The following SFXN5 variants were observed in gnomAD, a reference collection of about 807,000 sequenced individuals.
SFXN5 encodes sideroflexin 5.
A neutral mutation model predicts 50.2 loss-of-function variants in SFXN5; 43 were observed. The observed-to-expected ratio is 0.86, with a 90% CI of 0.67 to 1.11. SFXN5 has a LOEUF of 1.11. Ranked by LOEUF, SFXN5 falls within the 50% of genes least tolerant of loss-of-function variation. The probability of loss-of-function intolerance (pLI) is 0.00; values close to 1 mark genes in which losing one functional copy is unlikely to be tolerated. For synonymous variants in SFXN5, 203 were observed against 185.8 expected (o/e 1.09, Z -0.75); for missense variants, 463 against 454.1 (o/e 1.02, Z -0.18).
Position 72,960,383 on chromosome 2 carries a change from G to A in SFXN5, c.945+748C>T, listed in dbSNP as rs978473103. On this transcript the variant is annotated intron_variant, in intron 13 of 13. Coordinates refer to ENST00000272433, the MANE Select transcript of SFXN5 (RefSeq NM_144579.3). The surrounding 1 kb of genome is among the most constrained non-coding windows in gnomAD (Gnocchi z 6.1). Reference sequence around the variant, plus strand: ...CTCCCACCACATACAGCTCTTCATCGAATCCCGAAGAAGCCGCCTCCTGAC... The same window carrying A: ...CTCCCACCACATACAGCTCTTCATCAAATCCCGAAGAAGCCGCCTCCTGAC... 3.4e-4 allele frequency among the ~76,000 whole-genome samples: 51 copies of A among 151,918 alleles called. No individual in the cohort carries two copies. Among genetic ancestry groups the A allele is most frequent in the Admixed American group, 3.1e-3 (47 of 15,282 alleles).
chr2:72,980,809 T>C (rs1441057216), intron 10 of SFXN5, among the ~76,000 whole-genome samples: 3 of 152,128 alleles, frequency 2.0e-5, no homozygotes, highest in Non-Finnish European at 4.4e-5. Context: ...TGCCCTCCTC[T>C]GTTCCCCAGC....
intron 2 of SFXN5, among the ~76,000 whole-genome samples, chr2:73,052,590 TA>T (rs2105994344): frequency 6.6e-6 from 1 of 152,350 alleles, no homozygotes; most frequent in East Asian, 1.9e-4. Context: ...GAATTGTTAT[TA>T]ATACTATTTC....
chr2:72,970,413 G>A (rs1469269056), intron 11 of SFXN5, among the ~76,000 whole-genome samples: 2 of 152,196 alleles, frequency 1.3e-5, no homozygotes, highest in African/African-American at 4.8e-5. Context: ...AAAAACCTTG[G>A]AGGGGCACTG....
chr2:72,987,623 C>T (rs745487535), intron 10 of SFXN5, among the ~76,000 whole-genome samples: 9 of 151,836 alleles, frequency 5.9e-5, no homozygotes, highest in South Asian at 2.1e-4. Flanking sequence ...GGCATGGTGG[C>T]GCATGCCTGT....
At chr2:72,993,136 G>A (rs778085391) in intron 9 of SFXN5, among the ~76,000 whole-genome samples, 9 of 152,184 alleles carry the variant, frequency 5.9e-5, no homozygotes, top group Non-Finnish European at 8.8e-5. Context: ...TAAGGGGCAC[G>A]CCTAAAAGGA....
At position 72,942,500 on chromosome 2, in the gene SFXN5, C is replaced by A. The variant is rs887545135; in HGVS notation, c.*2522G>T. 3 of 152,410 alleles carry A rather than the reference C, an allele frequency of 2.0e-5. No homozygotes were observed. The highest frequency in any genetic ancestry group is 1.9e-4 in the East Asian group (1 of 5,200). 9.4% of individuals were successfully genotyped at this position (152,410 alleles called of 1,614,324 possible). ...GTTCTCGCACAGCTGGCCAGCCCCG[C>A]CCTGACTGTGTCCAGGCTTAGCCTC... is the stretch of plus-strand genomic sequence containing the variant. On this transcript the variant is annotated 3_prime_UTR_variant, in exon 14 of 14. Coordinates refer to ENST00000272433, the MANE Select transcript of SFXN5 (RefSeq NM_144579.3).
chr2:72,955,432 C>T (rs781102812), intron 13 of SFXN5, among the ~76,000 whole-genome samples: 2 of 152,190 alleles, frequency 1.3e-5, no homozygotes, highest in African/African-American at 2.4e-5. Context: ...CCCCAGCCCC[C>T]GAGCTCCCAG....
rs552164767 is a variant in SFXN5 at position 73,056,411 on chromosome 2, C to A, written c.171+2117G>T. Among the ~76,000 whole-genome samples, 8 of 151,384 alleles carry A rather than the reference C, an allele frequency of 5.3e-5. No individual in the cohort carries two copies. The South Asian group carries it at 6.3e-4, about 12-fold the overall frequency. On this transcript the variant is annotated intron_variant, in intron 2 of 13. Coordinates refer to ENST00000272433, the MANE Select transcript of SFXN5 (RefSeq NM_144579.3). ...AAAAAAAAAGTATGTCAAGGCCAGG[C>A]GCAGTGGCTTACGCCTGTAACCCCA...
At chr2:73,047,131 AG>A (rs1680437884) in intron 2 of SFXN5, among the ~76,000 whole-genome samples, 1 of 145,834 alleles carries the variant, frequency 6.9e-6, no homozygotes, top group Non-Finnish European at 1.5e-5. Context: ...AGGCTGAGGC[AG>A]AGAATTGCTT....
intron 6 of SFXN5, among the ~76,000 whole-genome samples, chr2:73,007,350 G>T (rs1205909859): frequency 2.0e-5 from 3 of 152,034 alleles, no homozygotes; most frequent in Non-Finnish European, 4.4e-5. Flanking sequence ...GAACTGTCTT[G>T]TTCGCCAAGA....
intron 2 of SFXN5, among the ~76,000 whole-genome samples, chr2:73,041,185 T>C (rs568360847): frequency 6.6e-6 from 1 of 152,126 alleles, no homozygotes; most frequent in Non-Finnish European, 1.5e-5. Flanking sequence ...AAAAAGCAAA[T>C]GGCCAAGCAA....
intron 9 of SFXN5, among the ~76,000 whole-genome samples, chr2:72,995,509 C>T (rs1673116697): frequency 6.6e-6 from 1 of 152,076 alleles, no homozygotes; most frequent in South Asian, 2.1e-4. Flanking sequence ...CTGAGTGGGG[C>T]AGGGAGCTCT....
At chr2:72,972,915 G>C (rs892501385) in intron 10 of SFXN5, among the ~76,000 whole-genome samples, 4 of 151,668 alleles carry the variant, frequency 2.6e-5, no homozygotes, top group South Asian at 2.1e-4. Flanking sequence ...TCCTTCCAGT[G>C]GGGGGGGCCA....
At chr2:73,033,827 G>C (rs1678612724) in intron 3 of SFXN5, among the ~76,000 whole-genome samples, 1 of 152,208 alleles carries the variant, frequency 6.6e-6, no homozygotes, top group South Asian at 2.1e-4. Context: ...TTTGCACCCA[G>C]GGGACATTTG....
rs1671790875 is a variant in SFXN5 at position 72,945,122 on chromosome 2, A to G, written c.946-23T>C. 7 of 1,609,542 alleles carry G rather than the reference A, an allele frequency of 4.3e-6. No individual in the cohort carries two copies. Among genetic ancestry groups the G allele is most frequent in the Non-Finnish European group, 6.0e-6 (7 of 1,176,454 alleles). On this transcript the variant is annotated intron_variant, in intron 13 of 13. Transcript: ENST00000272433. This position sits in a 1 kb window ranked among gnomAD's most constrained non-coding sequence, Gnocchi z 5.8. ...AATCTGTGGAGAGAGAACAGAGAGG[A>G]AAAGTGGGGGAGTGGGAAGGGGCAA...
intron 2 of SFXN5, among the ~76,000 whole-genome samples, chr2:73,053,733 GC>G (rs1409790490): frequency 6.6e-6 from 1 of 152,174 alleles, no homozygotes; most frequent in African/African-American, 2.4e-5. Context: ...GGCTCAAGCT[GC>G]CTAGGATCTT....
intron 10 of SFXN5, among the ~76,000 whole-genome samples, chr2:72,979,334 T>C (rs1671012934): frequency 6.7e-6 from 1 of 148,948 alleles, no homozygotes; most frequent in African/African-American, 2.5e-5. Flanking sequence ...ATAGAAAAAT[T>C]TCATAATTAA....
intron 3 of SFXN5, among the ~76,000 whole-genome samples, chr2:73,031,222 C>G (rs1327637074): frequency 6.6e-6 from 1 of 152,194 alleles, no homozygotes; most frequent in Non-Finnish European, 1.5e-5. Context: ...TAGCTGAGAC[C>G]CACAGTGGCA....
At chr2:73,066,432 C>T (rs1559224238) in intron 1 of SFXN5, among the ~76,000 whole-genome samples, 1 of 152,086 alleles carries the variant, frequency 6.6e-6, no homozygotes, top group African/African-American at 2.4e-5. Flanking sequence ...GTGGCATGCG[C>T]CCGTAATCCC....
Sources: gnomAD v4.1 joint callset for allele counts (sites outside exome capture counted in the v4.1 genomes callset) on GRCh38, gnomAD v4.1.1 for gene constraint, Gnocchi (gnomAD v3.1) non-coding constraint, MANE v1.5 for transcripts, NCBI Gene and HGNC (gene_info 2026-07-23, HGNC 2026-07-21) for gene names.